Variants in CPNE4 observed in about 807,000 individuals in gnomAD.
CPNE4 encodes the protein copine-4.
CPNE4 carries 25 observed loss-of-function variants against 67.9 expected under a neutral mutation model. The observed-to-expected ratio is 0.37, with a 90% CI of 0.27 to 0.51. CPNE4 has a LOEUF of 0.51. Among genes scored for constraint, CPNE4 ranks in the 20% least tolerant of loss-of-function variants. The pLI, the probability that CPNE4 is intolerant of heterozygous loss-of-function variation, is 0.93. For missense variants in CPNE4, 464 were observed against 690.8 expected (o/e 0.67, Z 3.68); for synonymous variants, 242 against 244.9 (o/e 0.99, Z 0.11).
intron 2 of CPNE4, among the ~76,000 whole-genome samples, chr3:131,734,276 AC>A (rs1201726968): frequency 7.2e-5 from 11 of 152,246 alleles, no homozygotes; most frequent in Admixed American, 7.2e-4. Flanking sequence ...CTTTGCTCTT[AC>A]CATGAAAAAG....
At chr3:131,978,208 T>TAAATATGTA (rs2072747216) in intron 1 of CPNE4, among the ~76,000 whole-genome samples, 7 of 48,188 alleles carry the variant, frequency 1.5e-4, no homozygotes, top group African/African-American at 1.3e-3. Flanking sequence ...TTATTATATA[T>TAAATATGTA]AATATATATA....
At chr3:132,018,940 G>T (rs1438414959) in intron 1 of CPNE4, among the ~76,000 whole-genome samples, 1 of 152,118 alleles carries the variant, frequency 6.6e-6, no homozygotes, top group Non-Finnish European at 1.5e-5. Flanking sequence ...GGAAAATTAG[G>T]GCGATGCACT....
intron 3 of CPNE4, among the ~76,000 whole-genome samples, chr3:131,718,583 C>A (rs1323680753): frequency 1.3e-5 from 2 of 152,114 alleles, no homozygotes; most frequent in Admixed American, 6.5e-5. Flanking sequence ...CCTACTTATC[C>A]TTAGGGATTC....
chr3:131,650,810 T>C (rs967450118), intron 7 of CPNE4, among the ~76,000 whole-genome samples: 2 of 148,408 alleles, frequency 1.3e-5, no homozygotes, highest in Non-Finnish European at 3.0e-5. Flanking sequence ...ATACATACTA[T>C]ATTAGTATAA....
chr3:131,985,526 G>T (rs775829988), intron 1 of CPNE4, among the ~76,000 whole-genome samples: 1 of 152,120 alleles, frequency 6.6e-6, no homozygotes, highest in Non-Finnish European at 1.5e-5. Context: ...ATTATAATTT[G>T]CCTATGATTG....
At chr3:131,739,781 C>T (rs771032823) in intron 2 of CPNE4, among the ~76,000 whole-genome samples, 2 of 152,188 alleles carry the variant, frequency 1.3e-5, no homozygotes, top group Admixed American at 6.5e-5. Context: ...AGGTGAGGAA[C>T]CTGACACTTG....
intron 2 of CPNE4, among the ~76,000 whole-genome samples, chr3:131,804,769 G>A (rs1560354652): frequency 6.6e-6 from 1 of 152,194 alleles, no homozygotes; most frequent in Non-Finnish European, 1.5e-5. Flanking sequence ...CCACTGCCAT[G>A]TGACTAAGCT....
chr3:131,784,741 CT>C (rs776994275), intron 2 of CPNE4, among the ~76,000 whole-genome samples: 1 of 152,104 alleles, frequency 6.6e-6, no homozygotes, highest in East Asian at 1.9e-4. Context: ...TTAATTCTTG[CT>C]TTCTGACATC....
chr3:132,034,252 C>T (rs1277354077), intron 1 of CPNE4, among the ~76,000 whole-genome samples: 2 of 152,058 alleles, frequency 1.3e-5, no homozygotes, highest in Non-Finnish European at 2.9e-5. Flanking sequence ...GCCTTCGGGA[C>T]TTCCCTGACC....
chr3:131,564,495 T>G, intron 10 of CPNE4, 146 bp from the exon 11 acceptor site: 1 of 773,238 alleles, frequency 1.3e-6, no homozygotes, highest in Non-Finnish European at 2.0e-6. Flanking sequence ...ATAAACTAAT[T>G]TGCTTGAAAA....
chr3:131,917,802 G>T (rs949752577), intron 1 of CPNE4, among the ~76,000 whole-genome samples: 1 of 152,184 alleles, frequency 6.6e-6, no homozygotes, highest in African/African-American at 2.4e-5. Flanking sequence ...GCAAGACTGT[G>T]GAAGACATTA....
intron 2 of CPNE4, among the ~76,000 whole-genome samples, chr3:131,902,814 T>C (rs2088603385): frequency 6.6e-6 from 1 of 152,138 alleles, no homozygotes. Context: ...TTCCATTTAG[T>C]TTTGTTAAAT....
At chr3:131,565,131 C>A (rs865833297) in intron 10 of CPNE4, among the ~76,000 whole-genome samples, 1 of 151,834 alleles carries the variant, frequency 6.6e-6, no homozygotes, top group South Asian at 2.1e-4. Flanking sequence ...ATGCTTAAGC[C>A]GAGGGTGTTA....
chr3:132,024,162 C>A (rs915393316), intron 1 of CPNE4, among the ~76,000 whole-genome samples: 3 of 150,536 alleles, frequency 2.0e-5, no homozygotes, highest in African/African-American at 7.4e-5. Context: ...TGGCTCACTG[C>A]AACCTGTGCC....
intron 1 of CPNE4, among the ~76,000 whole-genome samples, chr3:131,995,930 C>T (rs1220261902): frequency 6.6e-6 from 1 of 152,212 alleles, no homozygotes; most frequent in Non-Finnish European, 1.5e-5. Context: ...AAATGACCAA[C>T]ACCCCTTGGT....
intron 5 of CPNE4, among the ~76,000 whole-genome samples, chr3:131,692,825 T>C (rs1293343208): frequency 6.6e-6 from 1 of 152,208 alleles, no homozygotes; most frequent in Non-Finnish European, 1.5e-5. Context: ...AGACCACCAG[T>C]GTCGGAATTA....
At chr3:131,741,133 T>C (rs1019225767) in intron 2 of CPNE4, among the ~76,000 whole-genome samples, 14 of 152,256 alleles carry the variant, frequency 9.2e-5, no homozygotes, top group Non-Finnish European at 1.5e-4. Flanking sequence ...CACTTATTAC[T>C]GTCTAACATA....
rs890835346 is a variant in CPNE4, at chr3:131,687,269, C to G, written c.508-1311G>C. Among the ~76,000 whole-genome samples the G allele has an allele frequency of 9.9e-5, 15 of 152,156 alleles. 1 individual carries two copies. The highest frequency in any genetic ancestry group is 6.5e-4 in the Admixed American group (10 of 15,290). ...TCCCTTTTAAAAACTTGATTTTTACCCCCAGTAGATTATAAATTCTCAAAG... is the reference window on the plus strand; with the variant it reads ...TCCCTTTTAAAAACTTGATTTTTACGCCCAGTAGATTATAAATTCTCAAAG... On this transcript the variant is annotated intron_variant, in intron 5 of 15. Transcript: ENST00000429747.
At chr3:131,692,957 C>T (rs148073730) in intron 5 of CPNE4, among the ~76,000 whole-genome samples, 44 of 152,196 alleles carry the variant, frequency 2.9e-4, no homozygotes, top group East Asian at 7.7e-4. Flanking sequence ...GATTAATTGC[C>T]GACTAGTTGC....
Sources: allele counts gnomAD v4.1 joint callset (sites outside exome capture counted in the v4.1 genomes callset), GRCh38; gene constraint gnomAD v4.1.1; transcripts MANE v1.5; gene names NCBI Gene and HGNC (gene_info 2026-07-23, HGNC 2026-07-21).